HSPA4L: variants seen among roughly 807,000 people sequenced by gnomAD.
HSPA4L encodes heat shock protein family A (Hsp70) member 4 like.
HSPA4L carries 48 observed loss-of-function variants against 100.3 expected under a neutral mutation model. The ratio of observed to expected loss-of-function variants is 0.48; its 90% CI spans 0.38 to 0.61. HSPA4L has a LOEUF of 0.61. HSPA4L is among the 20% of genes least tolerant of loss of function. The probability of loss-of-function intolerance (pLI) is 0.00; values close to 1 mark genes in which losing one functional copy is unlikely to be tolerated. For synonymous variants in HSPA4L, 319 were observed against 328.2 expected (o/e 0.97, Z 0.30); for missense variants, 886 against 988.6 (o/e 0.90, Z 1.39).
At chr4:127,787,047 A>G (rs536529375) in intron 1 of HSPA4L, among the ~76,000 whole-genome samples, 1 of 152,302 alleles carries the variant, frequency 6.6e-6, no homozygotes, top group South Asian at 2.1e-4. Flanking sequence ...TTTATCATCA[A>G]AATTCTTTAT....
chr4:127,825,796 C>T (rs368067257), intron 16 of HSPA4L, among the ~76,000 whole-genome samples: 2 of 151,566 alleles, frequency 1.3e-5, no homozygotes, highest in African/African-American at 2.4e-5. Flanking sequence ...CATGGTGGCA[C>T]GCACCTGTAA....
At chr4:127,790,069 A>G (rs1732830095) in intron 1 of HSPA4L, among the ~76,000 whole-genome samples, 1 of 152,196 alleles carries the variant, frequency 6.6e-6, no homozygotes, top group South Asian at 2.1e-4. Flanking sequence ...TCTGCTTTCA[A>G]CTTCAGAGAA....
intron 12 of HSPA4L, among the ~76,000 whole-genome samples, chr4:127,817,865 T>C (rs36107894): frequency 6.6e-6 from 1 of 152,230 alleles, no homozygotes; most frequent in Non-Finnish European, 1.5e-5. Context: ...ATTTTTATTA[T>C]ACTTTAAGTT....
intron 2 of HSPA4L, 135 bp downstream of exon 2, chr4:127,794,269 T>C (rs1732959710): frequency 1.9e-6 from 1 of 536,622 alleles, no homozygotes; most frequent in African/African-American, 2.0e-5. Context: ...CTTTGTTTTG[T>C]TTTGTTTTGT....
chr4:127,823,172 A>G (rs1733857333), intron 15 of HSPA4L, among the ~76,000 whole-genome samples: 1 of 152,098 alleles, frequency 6.6e-6, no homozygotes, highest in Admixed American at 6.5e-5. Flanking sequence ...TATTTGAGAC[A>G]GCATCTAGCT....
At chr4:127,813,799 C>T (rs546617036) in intron 12 of HSPA4L, among the ~76,000 whole-genome samples, 18 of 152,080 alleles carry the variant, frequency 1.2e-4, no homozygotes, top group East Asian at 1.9e-4. Flanking sequence ...TGTGCCACCA[C>T]GCCCAGCTAA....
At chr4:127,810,919 T>C (rs1733508678) in intron 11 of HSPA4L, among the ~76,000 whole-genome samples, 1 of 152,172 alleles carries the variant, frequency 6.6e-6, no homozygotes, top group African/African-American at 2.4e-5. Flanking sequence ...GAGATTTCTT[T>C]AGAGAAATAA....
intron 1 of HSPA4L, among the ~76,000 whole-genome samples, chr4:127,784,908 T>C (rs981784046): frequency 5.3e-5 from 8 of 152,264 alleles, no homozygotes; most frequent in African/African-American, 1.9e-4. Flanking sequence ...TCCAATTGCT[T>C]ACATCAAGGT....
chr4:127,832,942 G>C lies in HSPA4L; in HGVS notation c.*68G>C. The C allele has an allele frequency of 1.7e-6, 2 of 1,158,918 alleles. No individual in the cohort carries two copies. The highest frequency in any genetic ancestry group is 2.4e-6 in the Non-Finnish European group (2 of 822,510). The allele number at this position is 1,158,918 out of a possible 1,614,324, so 71.8% of individuals were successfully genotyped here. A position where few individuals can be genotyped will look rare whatever the true frequency, so the allele number is the denominator to read the frequency against. The stretch of plus-strand genomic sequence containing the variant: ...CCACGGGGTCCATCTTTTACATCTG[G>C]TACACACAACAGACGCTCAGTTGTT... On this transcript the variant is annotated 3_prime_UTR_variant, in exon 19 of 19. Transcript: ENST00000296464.
At chr4:127,825,768 T>G (rs1733934143) in intron 16 of HSPA4L, among the ~76,000 whole-genome samples, 1 of 151,222 alleles carries the variant, frequency 6.6e-6, no homozygotes, top group Non-Finnish European at 1.5e-5. Flanking sequence ...CTACTAAAAT[T>G]ACAAAAAATT....
At chr4:127,795,144 A>G (rs1305230468) in intron 2 of HSPA4L, among the ~76,000 whole-genome samples, 1 of 152,142 alleles carries the variant, frequency 6.6e-6, no homozygotes, top group East Asian at 1.9e-4. Flanking sequence ...CTAGACAATA[A>G]TAAACCAGTT....
intron 12 of HSPA4L, among the ~76,000 whole-genome samples, chr4:127,812,036 A>C (rs2148791640): frequency 6.6e-6 from 1 of 152,328 alleles, no homozygotes; most frequent in African/African-American, 2.4e-5. Context: ...CATGCTTAAT[A>C]AATAATTTTT....
At chr4:127,809,097 G>T (rs1482421252) in intron 11 of HSPA4L, 4 of 599,188 alleles carry the variant, frequency 6.7e-6, no homozygotes, top group African/African-American at 5.5e-5. Flanking sequence ...GGCGGTCCCG[G>T]AGTTCTTGCA....
At chr4:127,793,570 T>G (rs1729314499) in intron 1 of HSPA4L, among the ~76,000 whole-genome samples, 1 of 152,228 alleles carries the variant, frequency 6.6e-6, no homozygotes, top group Non-Finnish European at 1.5e-5. Context: ...AGAATTTACA[T>G]AATGTTTACT....
chr4:127,817,152 G>A (rs891019116), intron 12 of HSPA4L, among the ~76,000 whole-genome samples: 1 of 152,016 alleles, frequency 6.6e-6, no homozygotes, highest in African/African-American at 2.4e-5. Context: ...TGCAACCTCC[G>A]CCTCCCGGGT....
chr4:127,812,794 C>G, intron 12 of HSPA4L: 2 of 1,448,106 alleles, frequency 1.4e-6, no homozygotes, highest in Non-Finnish European at 1.9e-6. Flanking sequence ...GTGTGCTGCT[C>G]TGGGTGGAGC....
intron 17 of HSPA4L, among the ~76,000 whole-genome samples, chr4:127,830,325 T>A (rs1734047444): frequency 6.6e-6 from 1 of 152,212 alleles, no homozygotes; most frequent in Non-Finnish European, 1.5e-5. Flanking sequence ...TTGTTCACCT[T>A]ATTTCTCCTT....
upstream of HSPA4L, chr4:127,782,300 C>A (rs561703640): frequency 2.1e-6 from 1 of 486,406 alleles, no homozygotes; most frequent in African/African-American, 2.1e-5. Flanking sequence ...CAGTAACCGC[C>A]GGTTGGAGGC....
At chr4:127,819,727 G>C (rs1246502373) in intron 13 of HSPA4L, among the ~76,000 whole-genome samples, 1 of 152,130 alleles carries the variant, frequency 6.6e-6, no homozygotes. Context: ...CAGTTATACA[G>C]TATGTACTTA....
Sources: allele counts gnomAD v4.1 joint callset (sites outside exome capture counted in the v4.1 genomes callset), GRCh38; gene constraint gnomAD v4.1.1; transcripts MANE v1.5; gene names NCBI Gene and HGNC (gene_info 2026-07-23, HGNC 2026-07-21).